The following NCOA7 variants were observed in gnomAD, a reference collection of about 807,000 sequenced individuals.
The protein encoded by NCOA7 is nuclear receptor coactivator 7.
In NCOA7, 45 loss-of-function variants were observed where a neutral mutation model predicts 104.3. The ratio of observed to expected loss-of-function variants is 0.43; its 90% CI spans 0.34 to 0.55. The LOEUF (loss-of-function observed/expected upper bound fraction) is 0.55, where lower values mean the gene tolerates loss of function less well. Ranked by LOEUF, NCOA7 falls within the 20% of genes least tolerant of loss-of-function variation. The pLI is 0.02. For synonymous variants in NCOA7, 398 were observed against 402.3 expected, an observed-to-expected ratio of 0.99 and a Z score of 0.13; for missense variants, 1,041 against 1,119.7, an observed-to-expected ratio of 0.93 and a Z score of 1.00.
chr6:125,871,256 A>T (rs180930254), intron 3 of NCOA7, among the ~76,000 whole-genome samples: 9 of 152,224 alleles, frequency 5.9e-5, no homozygotes, highest in Non-Finnish European at 1.3e-4. Flanking sequence ...ATGGGTATGG[A>T]TCCTTACCTA....
At chr6:125,814,600 G>A (rs1247529014) in intron 1 of NCOA7, among the ~76,000 whole-genome samples, 1 of 152,148 alleles carries the variant, frequency 6.6e-6, no homozygotes, top group African/African-American at 2.4e-5. Context: ...GCAGGGGAGT[G>A]GCATGATAAA....
intron 7 of NCOA7, among the ~76,000 whole-genome samples, chr6:125,884,609 A>G (rs541963906): frequency 2.6e-5 from 4 of 152,316 alleles, no homozygotes; most frequent in Admixed American, 6.5e-5. Flanking sequence ...TCTGGCTACA[A>G]AAGTTTCATG....
intron 10 of NCOA7, chr6:125,900,006 C>T: frequency 1.9e-6 from 1 of 533,290 alleles, no homozygotes; most frequent in Non-Finnish European, 3.8e-6. Flanking sequence ...ATGGGTGCTG[C>T]ACACAGTGTT....
chr6:125,840,429 A>G (rs1023034562), intron 2 of NCOA7, among the ~76,000 whole-genome samples: 1 of 152,096 alleles, frequency 6.6e-6, no homozygotes, highest in Non-Finnish European at 1.5e-5. Flanking sequence ...GCAGTAGAGC[A>G]CAGTAAGCAC....
At position 125,878,380 on chromosome 6, in the gene NCOA7, C is replaced by A; in HGVS notation, c.459+10C>A. 6.4e-7 allele frequency: 1 copy of A among 1,570,490 alleles called. No individual in the cohort carries two copies. The stretch of plus-strand genomic sequence containing the variant: ...TATTGTTCCAGGCCAGGTAATTATA[C>A]TCTTACTGGATATAACTCTAGAAAT... On this transcript the variant is annotated intron_variant, in intron 5 of 15. Transcript: ENST00000392477.
intron 2 of NCOA7, among the ~76,000 whole-genome samples, chr6:125,827,939 A>T (rs918156904): frequency 6.6e-6 from 1 of 152,254 alleles, no homozygotes; most frequent in Non-Finnish European, 1.5e-5. Context: ...TGGGAAAACT[A>T]GAAAAACAAC....
chr6:125,899,912 T>C, intron 10 of NCOA7: 1 of 520,164 alleles, frequency 1.9e-6, no homozygotes, highest in Admixed American at 2.0e-5. Flanking sequence ...TTCACAGTGC[T>C]TTCTGGTGGC....
chr6:125,919,503 T>C, intron 11 of NCOA7: 1 of 1,423,846 alleles, frequency 7.0e-7, no homozygotes, highest in South Asian at 1.2e-5. Context: ...CGAGTTTCTT[T>C]TGAAAGTCGT....
At chr6:125,875,121 C>T (rs1783252581) in intron 4 of NCOA7, 153 bp downstream of exon 4, 3 of 526,982 alleles carry the variant, frequency 5.7e-6, no homozygotes, top group Middle Eastern at 3.1e-4. Flanking sequence ...ATTTCTTTTT[C>T]CTCCATATTT....
At chr6:125,862,435 G>C (rs1279099055) in intron 3 of NCOA7, among the ~76,000 whole-genome samples, 2 of 138,306 alleles carry the variant, frequency 1.4e-5, no homozygotes, top group Non-Finnish European at 3.1e-5. Context: ...TGAGGCAAAA[G>C]CTGTTTTTCA....
intron 4 of NCOA7, among the ~76,000 whole-genome samples, chr6:125,877,255 G>A (rs1384616538): frequency 6.6e-6 from 1 of 152,128 alleles, no homozygotes; most frequent in Admixed American, 6.6e-5. Flanking sequence ...TGATACTGAA[G>A]GCAGCGATGG....
At chr6:125,874,999 G>C in intron 4 of NCOA7, 31 bp downstream of exon 4, 1 of 1,477,946 alleles carries the variant, frequency 6.8e-7, no homozygotes, top group Non-Finnish European at 9.5e-7. Context: ...ATAAATGTTT[G>C]TTAATAGCAC....
chr6:125,871,998 GAAAAAAAAA>G (rs530879162), intron 3 of NCOA7, among the ~76,000 whole-genome samples: 1 of 89,764 alleles, frequency 1.1e-5, no homozygotes, highest in African/African-American at 3.7e-5. Context: ...CCCTGTCTCA[GAAAAAAAAA>G]AAAAAAAAAA....
intron 1 of NCOA7, among the ~76,000 whole-genome samples, chr6:125,784,474 T>C (rs916576307): frequency 1.3e-5 from 2 of 152,234 alleles, no homozygotes; most frequent in African/African-American, 2.4e-5. Context: ...GAAAATAGTT[T>C]GGCAGTTTCT....
At chr6:125,829,727 C>T (rs1288812542) in intron 2 of NCOA7, among the ~76,000 whole-genome samples, 6 of 151,926 alleles carry the variant, frequency 3.9e-5, no homozygotes, top group Admixed American at 3.9e-4. Flanking sequence ...ATAGTCATAT[C>T]ATATGAGGAA....
chr6:125,840,868 GT>G (rs57168444), intron 2 of NCOA7, among the ~76,000 whole-genome samples: 6 of 40,374 alleles, frequency 1.5e-4, no homozygotes, highest in African/African-American at 5.2e-4. Context: ...TGTTTGGTTG[GT>G]TTTTTTTTTT....
chr6:125,815,724 G>T (rs926103825), intron 2 of NCOA7, among the ~76,000 whole-genome samples: 14 of 152,178 alleles, frequency 9.2e-5, no homozygotes, highest in Non-Finnish European at 1.6e-4. Flanking sequence ...TAAGTGCTTT[G>T]TTCCTACTGT....
intron 8 of NCOA7, among the ~76,000 whole-genome samples, chr6:125,887,199 T>C (rs1049910830): frequency 6.6e-6 from 1 of 151,972 alleles, no homozygotes; most frequent in African/African-American, 2.4e-5. Flanking sequence ...TTTGTGGGGG[T>C]CAAGCTAGGT....
intron 10 of NCOA7, among the ~76,000 whole-genome samples, chr6:125,901,319 C>T (rs1785479279): frequency 1.3e-5 from 2 of 152,186 alleles, no homozygotes; most frequent in Non-Finnish European, 2.9e-5. Flanking sequence ...CCCCCAGTTC[C>T]TTTTCCTACC....
Sources: gnomAD v4.1 joint callset for allele counts (sites outside exome capture counted in the v4.1 genomes callset) on GRCh38, gnomAD v4.1.1 for gene constraint, MANE v1.5 for transcripts, NCBI Gene and HGNC (gene_info 2026-07-23, HGNC 2026-07-21) for gene names.